TLK2: variants seen among roughly 807,000 people sequenced by gnomAD.
TLK2 encodes the protein serine/threonine-protein kinase tousled-like 2.
A neutral mutation model predicts 117.3 loss-of-function variants in TLK2; 6 were observed. The ratio of observed to expected loss-of-function variants is 0.05; its 90% CI spans 0.03 to 0.10. The LOEUF is 0.10. TLK2 is among the 10% of genes least tolerant of loss of function. The pLI, the probability that TLK2 is intolerant of heterozygous loss-of-function variation, is 1.00. For synonymous variants in TLK2, 257 were observed against 316.7 expected (o/e 0.81, Z 2.00); for missense variants, 299 against 901.2 (o/e 0.33, Z 8.56).
At chr17:62,497,113 C>A (rs1051360863) in intron 2 of TLK2, among the ~76,000 whole-genome samples, 6 of 151,950 alleles carry the variant, frequency 3.9e-5, no homozygotes, top group African/African-American at 1.2e-4. Flanking sequence ...AAATAATTAG[C>A]CAGGCATGGT....
chr17:62,543,941 C>A (rs1394114873), intron 7 of TLK2, among the ~76,000 whole-genome samples: 1 of 152,134 alleles, frequency 6.6e-6, no homozygotes, highest in South Asian at 2.1e-4. Flanking sequence ...ATATTTTCTT[C>A]TATGTGTTCT....
At position 62,492,636 on chromosome 17, in the gene TLK2, T is replaced by C. The variant is rs1383517150; in HGVS notation, c.81+11430T>C. Among the ~76,000 whole-genome samples the C allele has an allele frequency of 2.6e-5, 4 of 152,028 alleles. No individual in the cohort carries two copies. The South Asian group carries it at 6.2e-4, about 24-fold the overall frequency. ...CCTCGCCGGGCTAATTTTTGTACTT[T>C]AGTAGAGATGGGGTTTCACCATGTT... On this transcript the variant is annotated intron_variant, in intron 2 of 21. Coordinates refer to ENST00000346027, the MANE Select transcript of TLK2 (RefSeq NM_006852.6).
intron 11 of TLK2, among the ~76,000 whole-genome samples, chr17:62,571,994 C>T (rs982199956): frequency 6.6e-6 from 1 of 151,858 alleles, no homozygotes; most frequent in Non-Finnish European, 1.5e-5. Context: ...ATGATGAAAC[C>T]CTGTCTCTAC....
intron 16 of TLK2, among the ~76,000 whole-genome samples, chr17:62,591,231 A>G (rs1251705310): frequency 6.6e-6 from 1 of 152,204 alleles, no homozygotes; most frequent in African/African-American, 2.4e-5. Flanking sequence ...CCTGGGCGCC[A>G]GAGCAAGACT....
At chr17:62,549,596 CTAGAG>C (rs1199995734) in intron 7 of TLK2, 2 of 151,302 alleles carry the variant, frequency 1.3e-5, no homozygotes, top group African/African-American at 2.4e-5. Context: ...TTGCTGCATC[CTAGAG>C]TAGAGAACAT....
At chr17:62,504,864 A>G (rs1387492774) in intron 2 of TLK2, among the ~76,000 whole-genome samples, 1 of 152,118 alleles carries the variant, frequency 6.6e-6, no homozygotes, top group Middle Eastern at 3.4e-3. Context: ...TTATTTATTT[A>G]TTACTTTGAG....
chr17:62,590,766 A>G (rs1015650414), intron 16 of TLK2, among the ~76,000 whole-genome samples: 2 of 152,206 alleles, frequency 1.3e-5, no homozygotes, highest in African/African-American at 4.8e-5. Flanking sequence ...GGCATGAGCC[A>G]CCACACCCAA....
upstream of TLK2, chr17:62,477,739 G>C (rs952133899): frequency 6.6e-6 from 1 of 152,292 alleles, no homozygotes. Flanking sequence ...CAGGGGCGCC[G>C]GTGAAGAGTG....
chr17:62,518,367 A>G (rs909935669), intron 2 of TLK2, among the ~76,000 whole-genome samples: 1 of 152,232 alleles, frequency 6.6e-6, no homozygotes, highest in African/African-American at 2.4e-5. Flanking sequence ...AAACCTTGTT[A>G]TTTACAAATG....
At chr17:62,567,791 G>A (rs566511199) in intron 11 of TLK2, among the ~76,000 whole-genome samples, 3 of 152,098 alleles carry the variant, frequency 2.0e-5, no homozygotes, top group East Asian at 3.9e-4. Context: ...AGCCTCAATA[G>A]GACCCTTAGC....
intron 11 of TLK2, among the ~76,000 whole-genome samples, chr17:62,565,622 A>AG (rs1279901694): frequency 7.3e-6 from 1 of 137,604 alleles, no homozygotes; most frequent in Non-Finnish European, 1.5e-5. Flanking sequence ...ACTGCACTCC[A>AG]GCCTGGGCGA....
intron 9 of TLK2, among the ~76,000 whole-genome samples, chr17:62,556,104 G>C (rs1216306883): frequency 1.3e-5 from 2 of 152,008 alleles, no homozygotes; most frequent in East Asian, 3.9e-4. Context: ...TAATAGAGAT[G>C]GGTTTTTGCC....
intron 2 of TLK2, among the ~76,000 whole-genome samples, chr17:62,504,789 C>G (rs1171734132): frequency 1.3e-5 from 2 of 152,142 alleles, no homozygotes; most frequent in Non-Finnish European, 2.9e-5. Context: ...GCCTGGGCGA[C>G]AGAGTGAGAC....
intron 16 of TLK2, among the ~76,000 whole-genome samples, chr17:62,590,158 A>G (rs1320613371): frequency 6.9e-6 from 1 of 145,022 alleles, no homozygotes; most frequent in Non-Finnish European, 1.5e-5. Flanking sequence ...CCGGCTGGGC[A>G]CGGTGGCTCA....
chr17:62,606,303 T>G lies in TLK2; in HGVS notation c.1971+62T>G, dbSNP rs138980820. On this transcript the variant is annotated intron_variant, in intron 20 of 21. Transcript: ENST00000346027. ...TCTTGGGTGGCACACACACACACAGTGCCTTGGTATGGATTAGTCTATTGG... is the reference window on the plus strand; with the variant it reads ...TCTTGGGTGGCACACACACACACAGGGCCTTGGTATGGATTAGTCTATTGG... The G allele has an allele frequency of 7.2e-4, 667 of 925,576 alleles. 2 individuals carry two copies. In the African/African-American group the frequency reaches 9.7e-3, roughly 13 times the overall value. The allele number at this position is 925,576 out of a possible 1,614,324, so 57.3% of individuals were successfully genotyped here.
intron 21 of TLK2, among the ~76,000 whole-genome samples, chr17:62,609,499 C>T (rs570753468): frequency 1.3e-5 from 2 of 152,322 alleles, no homozygotes; most frequent in East Asian, 1.9e-4. Flanking sequence ...TGCCATGTCA[C>T]AGGGTAAGAA....
intron 6 of TLK2, 85 bp from the exon 7 acceptor site, chr17:62,536,085 A>T (rs1459683185): frequency 6.8e-7 from 1 of 1,460,570 alleles, no homozygotes; most frequent in African/African-American, 1.4e-5. Context: ...CTTATATTTG[A>T]TAACTGTTTT....
intron 20 of TLK2, among the ~76,000 whole-genome samples, chr17:62,606,628 C>T (rs891625274): frequency 4.6e-5 from 7 of 152,158 alleles, no homozygotes; most frequent in Non-Finnish European, 1.0e-4. Context: ...GAATCTTTAT[C>T]GCCAGCCATC....
At position 62,586,243 on chromosome 17, in the gene TLK2, T is replaced by G; in HGVS notation, c.1460+17T>G. On this transcript the variant is annotated intron_variant, in intron 16 of 21. Transcript: ENST00000346027. ...TTACCACAAGTAAGTGATACTTGAG[T>G]GTCTGACTTTTTAAAATTAAATAAT... 1 of 1,559,246 alleles carries G rather than the reference T, an allele frequency of 6.4e-7. No individual in the cohort carries two copies. Among genetic ancestry groups the G allele is most frequent in the Non-Finnish European group, 8.8e-7 (1 of 1,134,308 alleles).
Sources: allele counts gnomAD v4.1 joint callset (sites outside exome capture counted in the v4.1 genomes callset), GRCh38; gene constraint gnomAD v4.1.1; transcripts MANE v1.5; gene names NCBI Gene and HGNC (gene_info 2026-07-23, HGNC 2026-07-21).